COL25A1: variants seen among roughly 807,000 people sequenced by gnomAD.
The protein encoded by COL25A1 is collagen alpha-1(XXV) chain.
COL25A1 carries 103 observed loss-of-function variants against 128.4 expected under a neutral mutation model. The observed-to-expected ratio is 0.80, with a 90% CI of 0.68 to 0.94. The LOEUF is 0.94. Among genes scored for constraint, COL25A1 ranks in the 40% least tolerant of loss-of-function variants. COL25A1 has a pLI of 0.00. For synonymous variants in COL25A1, 279 were observed against 277.2 expected (o/e 1.01, Z -0.06); for missense variants, 745 against 840.0 (o/e 0.89, Z 1.40).
chr4:109,240,828 G>A (rs1779851416), intron 3 of COL25A1, among the ~76,000 whole-genome samples: 1 of 152,062 alleles, frequency 6.6e-6, no homozygotes, highest in South Asian at 2.1e-4. Flanking sequence ...TAAGTTGTCT[G>A]TCCAGGAGTC....
chr4:109,283,145 TAA>T (rs1017637759), intron 3 of COL25A1, among the ~76,000 whole-genome samples: 3 of 152,214 alleles, frequency 2.0e-5, no homozygotes, highest in African/African-American at 7.2e-5. Context: ...ATATAAAATA[TAA>T]GTTACTTCTT....
At chr4:109,037,162 T>C (rs1759434622) in intron 5 of COL25A1, among the ~76,000 whole-genome samples, 1 of 152,230 alleles carries the variant, frequency 6.6e-6, no homozygotes, top group South Asian at 2.1e-4. Context: ...GCTTGTGATA[T>C]AAAACATAAA....
At chr4:109,227,160 G>A (rs752091204) in intron 3 of COL25A1, among the ~76,000 whole-genome samples, 93 of 152,096 alleles carry the variant, frequency 6.1e-4, no homozygotes, top group Non-Finnish European at 8.2e-4. Flanking sequence ...AAATTTCTTC[G>A]TTTTTTGAGG....
intron 6 of COL25A1, among the ~76,000 whole-genome samples, chr4:108,979,290 A>G (rs1201794365): frequency 6.6e-6 from 1 of 152,156 alleles, no homozygotes. Context: ...CCTATGCTCT[A>G]TTGTCTATTT....
At chr4:109,016,115 C>G (rs1192094458) in intron 5 of COL25A1, among the ~76,000 whole-genome samples, 1 of 152,186 alleles carries the variant, frequency 6.6e-6, no homozygotes, top group African/African-American at 2.4e-5. Context: ...CTGGGAAGCC[C>G]CTCCTGCCCC....
chr4:108,972,943 T>C (rs1228978769), intron 8 of COL25A1, among the ~76,000 whole-genome samples: 1 of 152,164 alleles, frequency 6.6e-6, no homozygotes, highest in African/African-American at 2.4e-5. Context: ...TTTTTAACGA[T>C]GAAAGCCAAC....
intron 6 of COL25A1, among the ~76,000 whole-genome samples, chr4:108,982,304 T>C (rs549228175): frequency 2.6e-5 from 4 of 152,268 alleles, no homozygotes; most frequent in South Asian, 4.1e-4. Flanking sequence ...ATTTCGAGAA[T>C]AGGAAGGTCT....
At chr4:108,990,239 A>AATATATATATAT (rs1331433908) in intron 6 of COL25A1, among the ~76,000 whole-genome samples, 3 of 26,356 alleles carry the variant, frequency 1.1e-4, no homozygotes, top group African/African-American at 3.3e-4. Context: ...AAAAAAAAAA[A>AATATATATATAT]ATATATATAT....
chr4:108,857,381 T>C (rs1467439442), intron 24 of COL25A1, among the ~76,000 whole-genome samples: 1 of 152,040 alleles, frequency 6.6e-6, no homozygotes, highest in Non-Finnish European at 1.5e-5. Flanking sequence ...AGTTCTAGAA[T>C]TTGACAGTAA....
chr4:108,820,861 T>G (rs1023341897), intron 35 of COL25A1, among the ~76,000 whole-genome samples: 6 of 152,126 alleles, frequency 3.9e-5, no homozygotes, highest in Non-Finnish European at 8.8e-5. Context: ...GAAATCTGCA[T>G]GGATCATAAG....
At chr4:108,912,822 AT>A (rs1185106885) in intron 13 of COL25A1, among the ~76,000 whole-genome samples, 2 of 152,204 alleles carry the variant, frequency 1.3e-5, no homozygotes, top group African/African-American at 4.8e-5. Context: ...GCCATTAAAA[AT>A]ATGCTGTGAA....
chr4:108,935,438 A>G (rs1280139808), intron 11 of COL25A1, among the ~76,000 whole-genome samples: 1 of 152,208 alleles, frequency 6.6e-6, no homozygotes, highest in Non-Finnish European at 1.5e-5. Context: ...ACTTTTCTTT[A>G]TATACATTAA....
intron 6 of COL25A1, among the ~76,000 whole-genome samples, chr4:109,001,679 T>C (rs4956069): frequency 0.8 from 121,032 of 152,112 alleles, 49,324 homozygotes; most frequent in East Asian, 1. Flanking sequence ...AGGATAACAG[T>C]ATTGATCCTG....
At chr4:109,171,343 C>T (rs1023105682) in intron 3 of COL25A1, among the ~76,000 whole-genome samples, 15 of 152,160 alleles carry the variant, frequency 9.9e-5, no homozygotes, top group Admixed American at 9.2e-4. Context: ...TATGTTGAAA[C>T]CCTAATCCCA....
At chr4:108,950,792 T>C (rs1322944586) in intron 8 of COL25A1, among the ~76,000 whole-genome samples, 2 of 152,206 alleles carry the variant, frequency 1.3e-5, no homozygotes, top group Non-Finnish European at 2.9e-5. Flanking sequence ...ATACATGCTA[T>C]ACGCCAAGTA....
At chr4:109,038,787 GCTGCTC>G (rs984460590) in intron 5 of COL25A1, among the ~76,000 whole-genome samples, 2 of 152,124 alleles carry the variant, frequency 1.3e-5, no homozygotes, top group African/African-American at 4.8e-5. Context: ...TTCTTGAGTT[GCTGCTC>G]CTGCAGTGTC....
At position 109,256,085 on chromosome 4, in the gene COL25A1, G is replaced by GGTGTGTGTGTGTGTGTGT. The variant is rs60794002; in HGVS notation, c.367+44480_367+44497dup. On this transcript the variant is annotated intron_variant, in intron 3 of 37. Transcript: ENST00000399132. The stretch of plus-strand genomic sequence containing the variant: ...TGTGGATATTAACATTTTAAGCATT[G>GGTGTGTGTGTGTGTGTGT]GTGTGTGTGTGTGTGTGTGTGTGTG... Among the ~76,000 whole-genome samples, 353 of 143,332 alleles carry GGTGTGTGTGTGTGTGTGT rather than the reference G, an allele frequency of 2.5e-3. 3 individuals carry two copies. Among genetic ancestry groups the GGTGTGTGTGTGTGTGTGT allele is most frequent in the African/African-American group, 8.9e-3 (338 of 37,906 alleles). The allele number at this position is 143,332 out of a possible 152,430, so 94.0% of individuals were successfully genotyped here.
intron 6 of COL25A1, among the ~76,000 whole-genome samples, chr4:108,991,465 C>T (rs1754223166): frequency 2.0e-5 from 3 of 152,140 alleles, no homozygotes; most frequent in Admixed American, 6.5e-5. Flanking sequence ...TATTAACCAT[C>T]TGCTTCATAA....
At chr4:109,209,964 T>C (rs1323788008) in intron 3 of COL25A1, among the ~76,000 whole-genome samples, 1 of 151,864 alleles carries the variant, frequency 6.6e-6, no homozygotes, top group Non-Finnish European at 1.5e-5. Flanking sequence ...GGCAGGAGAA[T>C]TGCTTGAACC....
Sources: gnomAD v4.1 joint callset for allele counts (sites outside exome capture counted in the v4.1 genomes callset) on GRCh38, gnomAD v4.1.1 for gene constraint, MANE v1.5 for transcripts, NCBI Gene and HGNC (gene_info 2026-07-23, HGNC 2026-07-21) for gene names.